PATJ: variants seen among roughly 807,000 people sequenced by gnomAD.
PATJ encodes inaD-like protein.
PATJ carries 190 observed loss-of-function variants against 224.9 expected under a neutral mutation model. The observed-to-expected ratio is 0.84, with a 90% confidence interval of 0.75 to 0.95. PATJ has a LOEUF of 0.95. Ranked by LOEUF, PATJ falls within the 40% of genes least tolerant of loss-of-function variation. The pLI is 0.00. For missense variants in PATJ, 2,121 were observed against 2,270.3 expected (o/e 0.93, Z 1.34); for synonymous variants, 769 against 820.3 (o/e 0.94, Z 1.07).
intron 27 of PATJ, among the ~76,000 whole-genome samples, chr1:61,956,690 G>T (rs1680490956): frequency 6.6e-6 from 1 of 152,188 alleles, no homozygotes. Context: ...AATTACATTG[G>T]TTGTGGCTGT....
chr1:61,832,181 G>A (rs1291654163), intron 16 of PATJ, among the ~76,000 whole-genome samples: 3 of 152,188 alleles, frequency 2.0e-5, no homozygotes, highest in Non-Finnish European at 4.4e-5. Flanking sequence ...CTTGGGGGTA[G>A]AGGGTAGAAG....
chr1:62,062,392 CTTTTTTTTTTTT>C lies in PATJ; in HGVS notation c.4125+11350_4125+11361del, dbSNP rs60747316. ...TGGTTGGCTGCTTCTATGTTGTCTT[CTTTTTTTTTTTT>C]TTTTTTTTTTTTTTTCCTTTTTTGA... On this transcript the variant is annotated intron_variant, in intron 31 of 43. Coordinates refer to ENST00000642238, the MANE Select transcript of PATJ (RefSeq NM_001350145.3). Among the ~76,000 whole-genome samples the C allele has an allele frequency of 5.6e-4, 16 of 28,480 alleles. 1 individual carries two copies. Among genetic ancestry groups the C allele is most frequent in the South Asian group, 1.7e-3 (1 of 598 alleles). 18.7% of individuals were successfully genotyped at this position (28,480 alleles called of 152,430 possible).
At chr1:61,937,454 T>C (rs934981279) in intron 27 of PATJ, among the ~76,000 whole-genome samples, 3 of 152,148 alleles carry the variant, frequency 2.0e-5, no homozygotes, top group African/African-American at 7.2e-5. Flanking sequence ...ACTATTTTCC[T>C]GATTGGAAAA....
At chr1:62,128,536 G>T (rs532224547) in intron 40 of PATJ, 1 of 355,916 alleles carries the variant, frequency 2.8e-6, no homozygotes, top group Admixed American at 4.2e-5. Context: ...TTGAACGGTT[G>T]ATGTGTACAC....
rs12045801 is a variant in PATJ at position 61,797,039 on chromosome 1, G to A, written c.1261-248G>A. On this transcript the variant is annotated intron_variant, in intron 10 of 43. Coordinates refer to ENST00000642238, the MANE Select transcript of PATJ (RefSeq NM_001350145.3). ...CTGCCACCACACCTGGCTAATTTTT[G>A]TATGTTTAGTAGAGATGGGGTTTCA... Among the ~76,000 whole-genome samples, 109 of 152,052 alleles carry A rather than the reference G, an allele frequency of 7.2e-4. 3 individuals carry two copies. The East Asian group carries it at 0.021, about 29-fold the overall frequency.
chr1:61,826,112 C>A (rs938181625), intron 15 of PATJ, among the ~76,000 whole-genome samples: 1 of 152,208 alleles, frequency 6.6e-6, no homozygotes, highest in African/African-American at 2.4e-5. Flanking sequence ...TCCTAAAGTG[C>A]ACGTGGGTCT....
chr1:62,091,256 C>T (rs1660697146), intron 33 of PATJ, among the ~76,000 whole-genome samples: 1 of 152,176 alleles, frequency 6.6e-6, no homozygotes, highest in Non-Finnish European at 1.5e-5. Context: ...ATGTGTTCTA[C>T]CAAACCTAAA....
In PATJ at chr1:61,983,720, G is replaced by T. The variant is rs1255060898; in HGVS notation, c.3671-6448G>T. On this transcript the variant is annotated intron_variant, in intron 27 of 43. Transcript: ENST00000642238. ...GACACTGTTGTGGGTACAGAAGACT[G>T]CAGAGAGTTGGGTGGACAAGGAGCT... is the stretch of plus-strand genomic sequence containing the variant. 3.3e-5 allele frequency among the ~76,000 whole-genome samples: 5 copies of T among 152,184 alleles called. 1 individual carries two copies. Among genetic ancestry groups the T allele is most frequent in the Middle Eastern group, 6.8e-3 (2 of 294 alleles).
intron 43 of PATJ, among the ~76,000 whole-genome samples, chr1:62,160,327 AGTGG>A (rs2149078690): frequency 6.6e-6 from 1 of 152,318 alleles, no homozygotes; most frequent in Non-Finnish European, 1.5e-5. Context: ...TCAAAGATAA[AGTGG>A]AAGGTTTTGA....
At chr1:61,752,648 T>C (rs1375052444) in intron 1 of PATJ, among the ~76,000 whole-genome samples, 1 of 152,182 alleles carries the variant, frequency 6.6e-6, no homozygotes, top group African/African-American at 2.4e-5. Flanking sequence ...TTAAAAAATT[T>C]ATTTATGTTC....
intron 1 of PATJ, among the ~76,000 whole-genome samples, chr1:61,747,312 T>C (rs1227384117): frequency 6.6e-6 from 1 of 152,108 alleles, no homozygotes; most frequent in Non-Finnish European, 1.5e-5. Flanking sequence ...GTCAGTGGGA[T>C]AGATCGATGC....
chr1:61,799,232 G>A (rs551921533), intron 11 of PATJ, among the ~76,000 whole-genome samples: 51 of 151,916 alleles, frequency 3.4e-4, no homozygotes, highest in East Asian at 3.1e-3. Flanking sequence ...CACTCTTGTC[G>A]CCCAGACTGG....
intron 31 of PATJ, among the ~76,000 whole-genome samples, chr1:62,073,598 G>A (rs535814911): frequency 6.1e-4 from 93 of 152,118 alleles, no homozygotes; most frequent in South Asian, 2.9e-3. Flanking sequence ...GCACCACTGC[G>A]CTCCAGCCTG....
At chr1:62,089,226 A>C (rs1660413194) in intron 33 of PATJ, among the ~76,000 whole-genome samples, 1 of 152,092 alleles carries the variant, frequency 6.6e-6, no homozygotes, top group Non-Finnish European at 1.5e-5. Context: ...TACCTGAACG[A>C]GATGTGTCTT....
At chr1:62,135,305 G>A (rs1223376173) in intron 41 of PATJ, among the ~76,000 whole-genome samples, 3 of 151,958 alleles carry the variant, frequency 2.0e-5, no homozygotes, top group Non-Finnish European at 4.4e-5. Flanking sequence ...ATCGCTTCAG[G>A]TCAGGAGTTC....
At position 61,778,901 on chromosome 1, in the gene PATJ, A is replaced by C. The variant is rs543025578; in HGVS notation, c.849+3567A>C. 3.5e-3 allele frequency among the ~76,000 whole-genome samples: 536 copies of C among 151,898 alleles called. 1 individual carries two copies. The highest frequency in any genetic ancestry group is 3.9e-3 in the Non-Finnish European group (265 of 67,944). On this transcript the variant is annotated intron_variant, in intron 7 of 43. Transcript: ENST00000642238. ...TTTTTAATAGAGATGGGGTTTCACT[A>C]TGTTGGCCAGGCTGGTCTGGAACTC... is the stretch of plus-strand genomic sequence containing the variant.
At chr1:61,834,277 G>T (rs1238833776) in intron 17 of PATJ, among the ~76,000 whole-genome samples, 1 of 152,158 alleles carries the variant, frequency 6.6e-6, no homozygotes, top group Non-Finnish European at 1.5e-5. Flanking sequence ...TCACATGAAG[G>T]TTTATAGTTT....
chr1:61,976,396 GT>G (rs886973387), intron 27 of PATJ, among the ~76,000 whole-genome samples: 4 of 151,714 alleles, frequency 2.6e-5, no homozygotes, highest in Admixed American at 6.6e-5. Context: ...GTTGTGAGGG[GT>G]TTTTTTGTTT....
chr1:61,744,284 CAAAAAAAAA>C (rs35247131), intron 1 of PATJ, among the ~76,000 whole-genome samples: 1 of 69,680 alleles, frequency 1.4e-5, no homozygotes, highest in Non-Finnish European at 2.5e-5. Flanking sequence ...AACCCTGTCT[CAAAAAAAAA>C]AAAAAAAAAA....
Sources: gnomAD v4.1 joint callset for allele counts (sites outside exome capture counted in the v4.1 genomes callset) on GRCh38, gnomAD v4.1.1 for gene constraint, MANE v1.5 for transcripts, NCBI Gene and HGNC (gene_info 2026-07-23, HGNC 2026-07-21) for gene names.